Variants in DLG2 observed in about 807,000 individuals in gnomAD.
The protein encoded by DLG2 is disks large homolog 2.
DLG2 carries 45 observed loss-of-function variants against 132.5 expected under a neutral mutation model. The observed-to-expected ratio is 0.34, with a 90% CI of 0.27 to 0.44. DLG2 has a LOEUF of 0.44. DLG2 is among the 20% of genes least tolerant of loss of function. The probability of loss-of-function intolerance (pLI) is 1.00; values close to 1 mark genes in which losing one functional copy is unlikely to be tolerated. For missense variants in DLG2, 1,045 were observed against 1,196.9 expected (o/e 0.87, Z 1.87); for synonymous variants, 424 against 419.6 (o/e 1.01, Z -0.13).
Position 83,995,679 on chromosome 11 carries a change from G to C in DLG2, c.920-15037C>G, listed in dbSNP as rs185439868. ...GCCCAGAAACAAATCTATACATCTA[G>C]AATCAACTCATTTTTGACAAAGGTG... On this transcript the variant is annotated intron_variant, in intron 11 of 27. Transcript: ENST00000376104. 1.2e-3 allele frequency among the ~76,000 whole-genome samples: 182 copies of C among 152,178 alleles called. 1 individual carries two copies. The highest frequency in any genetic ancestry group is 4.3e-3 in the African/African-American group (178 of 41,550).
intron 3 of DLG2, among the ~76,000 whole-genome samples, chr11:85,418,037 C>T (rs577240227): frequency 2.0e-5 from 3 of 152,120 alleles, no homozygotes; most frequent in East Asian, 1.9e-4. Flanking sequence ...GTTAGGGTGT[C>T]GATTTTAGAT....
Position 84,082,045 on chromosome 11 carries a change from G to A in DLG2, c.749+16878C>T, listed in dbSNP as rs556096817. The stretch of plus-strand genomic sequence containing the variant: ...TGGTGTGAGATGGTATCTCACTGTG[G>A]TTTTGATTTGCATTTCTCTGATGAC... On this transcript the variant is annotated intron_variant, in intron 10 of 27. Coordinates refer to ENST00000376104, the MANE Select transcript of DLG2 (RefSeq NM_001142699.3). Among the ~76,000 whole-genome samples, 5 of 152,178 alleles carry A rather than the reference G, an allele frequency of 3.3e-5. No homozygotes were observed. In the South Asian group the frequency reaches 1.0e-3, roughly 32 times the overall value.
At chr11:85,443,396 C>A (rs999215414) in intron 3 of DLG2, among the ~76,000 whole-genome samples, 2 of 152,176 alleles carry the variant, frequency 1.3e-5, no homozygotes, top group Non-Finnish European at 2.9e-5. Flanking sequence ...GTGTAATTGT[C>A]AAGTCGCTTA....
chr11:84,279,768 T>C (rs1423179249), intron 7 of DLG2, among the ~76,000 whole-genome samples: 3 of 152,006 alleles, frequency 2.0e-5, no homozygotes, highest in South Asian at 4.2e-4. Context: ...TGAGAACAAA[T>C]GGACACGGGG....
At chr11:85,386,891 CTTT>C (rs932998754) in intron 3 of DLG2, among the ~76,000 whole-genome samples, 2 of 143,640 alleles carry the variant, frequency 1.4e-5, no homozygotes, top group African/African-American at 5.1e-5. Flanking sequence ...AATATCCTTT[CTTT>C]TTTTTTTCTT....
At position 85,379,175 on chromosome 11, in the gene DLG2, G is replaced by T. The variant is rs77396527; in HGVS notation, c.41-93810C>A. ...ACTTCCTTGGACTCCATGAAAATGC[G>T]GAGAAGAGTGGGATGAACTTAGACT... On this transcript the variant is annotated intron_variant, in intron 3 of 27. Transcript: ENST00000376104. Among the ~76,000 whole-genome samples the T allele has an allele frequency of 2.9e-3, 444 of 152,204 alleles. 1 individual carries two copies. Among genetic ancestry groups the T allele is most frequent in the African/African-American group, 0.01 (430 of 41,546 alleles).
chr11:84,600,198 A>AAGAAAGAAAGAAAGAAAGAAAGAG (rs1565419696), intron 6 of DLG2, among the ~76,000 whole-genome samples: 1 of 136,674 alleles, frequency 7.3e-6, no homozygotes, highest in African/African-American at 3.2e-5. Flanking sequence ...GAAAGAAAGA[A>AAGAAAGAAAGAAAGAAAGAAAGAG]AGAAAGAAAG....
At chr11:84,973,513 A>G (rs558359825) in intron 6 of DLG2, among the ~76,000 whole-genome samples, 1 of 152,292 alleles carries the variant, frequency 6.6e-6, no homozygotes, top group African/African-American at 2.4e-5. Flanking sequence ...TGAAGAAGGG[A>G]AAGGTCAGCA....
At chr11:83,520,701 A>AGATAGATAGATAGAT (rs2095453421) in intron 21 of DLG2, among the ~76,000 whole-genome samples, 1 of 79,386 alleles carries the variant, frequency 1.3e-5, no homozygotes, top group Non-Finnish European at 2.6e-5. Context: ...GTAGGTAGAT[A>AGATAGATAGATAGAT]GATAGATAGA....
chr11:84,533,905 C>CAAAAAAAAAAAAAAAAA (rs558597260), intron 7 of DLG2, among the ~76,000 whole-genome samples: 39 of 70,280 alleles, frequency 5.5e-4, no homozygotes, highest in Middle Eastern at 0.011. Flanking sequence ...CCAGTTCAGC[C>CAAAAAAAAAAAAAAAAA]AAAAAAAAAA....
chr11:85,593,477 G>C (rs1416815375), intron 3 of DLG2, among the ~76,000 whole-genome samples: 1 of 152,116 alleles, frequency 6.6e-6, no homozygotes, highest in Admixed American at 6.5e-5. Flanking sequence ...GACTAGTGCT[G>C]AGGTCCAAGA....
chr11:84,752,518 C>T (rs1339096561), intron 6 of DLG2, among the ~76,000 whole-genome samples: 1 of 150,462 alleles, frequency 6.6e-6, no homozygotes, highest in African/African-American at 2.4e-5. Flanking sequence ...ATTTTTAAAT[C>T]CAAAATCTAA....
intron 7 of DLG2, among the ~76,000 whole-genome samples, chr11:84,281,313 A>C (rs1353759691): frequency 6.6e-6 from 1 of 152,172 alleles, no homozygotes; most frequent in East Asian, 1.9e-4. Flanking sequence ...AAAATTAAAA[A>C]TTTCTGTTCT....
At chr11:83,997,817 C>T (rs981535529) in intron 11 of DLG2, among the ~76,000 whole-genome samples, 1 of 135,180 alleles carries the variant, frequency 7.4e-6, no homozygotes, top group East Asian at 2.4e-4. Context: ...AATCGTTTAT[C>T]AGGAAAGAAG....
intron 6 of DLG2, among the ~76,000 whole-genome samples, chr11:84,677,352 A>G (rs2099715544): frequency 6.6e-6 from 1 of 152,088 alleles, no homozygotes; most frequent in Admixed American, 6.6e-5. Flanking sequence ...TGCTGATTAT[A>G]AAGGATTTTG....
intron 7 of DLG2, among the ~76,000 whole-genome samples, chr11:84,353,061 T>C (rs1002941051): frequency 6.6e-6 from 1 of 152,188 alleles, no homozygotes; most frequent in Non-Finnish European, 1.5e-5. Flanking sequence ...CCACTTTCAA[T>C]ATATTTTCTC....
chr11:83,679,197 C>T (rs2078298162), intron 18 of DLG2, among the ~76,000 whole-genome samples: 1 of 152,150 alleles, frequency 6.6e-6, no homozygotes, highest in South Asian at 2.1e-4. Context: ...ATCAATTCCT[C>T]ATTTGATAAC....
intron 8 of DLG2, among the ~76,000 whole-genome samples, chr11:84,196,690 A>G (rs1312546298): frequency 6.6e-6 from 1 of 152,216 alleles, no homozygotes; most frequent in East Asian, 1.9e-4. Context: ...AGTTATTTCT[A>G]TAATTTACAT....
At chr11:83,863,313 T>TG (rs371443170) in intron 16 of DLG2, among the ~76,000 whole-genome samples, 8 of 152,112 alleles carry the variant, frequency 5.3e-5, no homozygotes, top group African/African-American at 1.9e-4. Flanking sequence ...AAATCAGTTT[T>TG]GGGGGGTGTA....
Sources: gnomAD v4.1 joint callset for allele counts (sites outside exome capture counted in the v4.1 genomes callset) on GRCh38, gnomAD v4.1.1 for gene constraint, MANE v1.5 for transcripts, NCBI Gene and HGNC (gene_info 2026-07-23, HGNC 2026-07-21) for gene names.